Variants in PSMC3IP observed in about 807,000 individuals in gnomAD.
PSMC3IP encodes homologous-pairing protein 2 homolog.
A neutral mutation model predicts 34.9 loss-of-function variants in PSMC3IP; 26 were observed. The ratio of observed to expected loss-of-function variants is 0.74; its 90% CI spans 0.55 to 1.03. PSMC3IP has a LOEUF of 1.03. Ranked by LOEUF, PSMC3IP falls within the 50% of genes least tolerant of loss-of-function variation. The pLI, the probability that PSMC3IP is intolerant of heterozygous loss-of-function variation, is 0.00. For synonymous variants in PSMC3IP, 87 were observed against 96.5 expected (o/e 0.90, Z 0.57); for missense variants, 250 against 263.1 (o/e 0.95, Z 0.34).
chr17:42,576,879 TTGATA>T (rs1567915414), intron 3 of PSMC3IP: 1 of 373,256 alleles, frequency 2.7e-6, no homozygotes, highest in Admixed American at 3.8e-5. Flanking sequence ...GAATATAAAT[TTGATA>T]TGTGTGTTTA....
intron 1 of PSMC3IP, 26 bp from the exon 2 acceptor site, chr17:42,577,587 G>T: frequency 6.2e-7 from 1 of 1,614,148 alleles, no homozygotes; most frequent in Non-Finnish European, 8.5e-7. Context: ...CAGGGGAGGG[G>T]GCCACTCAAC....
At chr17:42,573,784 C>T (rs1394377625) in intron 4 of PSMC3IP, 161 bp from the exon 5 acceptor site, 3 of 1,505,644 alleles carry the variant, frequency 2.0e-6, no homozygotes, top group East Asian at 4.9e-5. Flanking sequence ...TTCTTTCCTC[C>T]TCCATCTACA....
intron 4 of PSMC3IP, 136 bp from the exon 5 acceptor site, chr17:42,573,759 T>G (rs201418887): frequency 1.9e-5 from 28 of 1,500,054 alleles, no homozygotes; most frequent in Non-Finnish European, 1.5e-5. Flanking sequence ...TACAGGATTA[T>G]TTATTCTTCT....
upstream of PSMC3IP, chr17:42,577,735 GGGCGACGGCTCCTTCC>G: frequency 6.2e-7 from 1 of 1,610,730 alleles, no homozygotes; most frequent in Non-Finnish European, 8.5e-7. Flanking sequence ...TAGTTGCTCG[GGGCGACGGCTCCTTCC>G]GGCGACGGGG....
intron 4 of PSMC3IP, 166 bp from the exon 5 acceptor site, chr17:42,573,789 T>C: frequency 6.6e-7 from 1 of 1,512,728 alleles, no homozygotes; most frequent in East Asian, 2.4e-5. Flanking sequence ...TCCTCCTCCA[T>C]CTACAAGTGG....
chr17:42,573,797 T>C, intron 4 of PSMC3IP, 174 bp from the exon 5 acceptor site: 1 of 1,517,162 alleles, frequency 6.6e-7, no homozygotes, highest in Non-Finnish European at 8.8e-7. Flanking sequence ...CATCTACAAG[T>C]GGCGTGGGTG....
At chr17:42,573,751 C>T in intron 4 of PSMC3IP, 128 bp from the exon 5 acceptor site, 1 of 1,510,558 alleles carries the variant, frequency 6.6e-7, no homozygotes, top group Non-Finnish European at 8.9e-7. Context: ...CTAAGCCATA[C>T]AGGATTATTT....
chr17:42,573,978 C>G lies in PSMC3IP; in HGVS notation c.337+121G>C, dbSNP rs753054292. 4.0e-5 allele frequency: 62 copies of G among 1,546,418 alleles called. No homozygotes were observed. The South Asian group carries it at 6.8e-4, about 17-fold the overall frequency. ...CATTTCTTTTTATGCCTAAGGGAGC[C>G]CAGCAAAGGGGTCTTAGCTGCAACA... On this transcript the variant is annotated intron_variant, in intron 4 of 7. Coordinates refer to ENST00000393795, the MANE Select transcript of PSMC3IP (RefSeq NM_016556.4).
At chr17:42,573,273 C>T (rs780837774) in intron 6 of PSMC3IP, 38 bp downstream of exon 6, 6 of 1,613,902 alleles carry the variant, frequency 3.7e-6, no homozygotes, top group Admixed American at 1.7e-5. Context: ...TTTTCAAAGG[C>T]ACCTCCAGGG....
chr17:42,576,497 G>C, intron 3 of PSMC3IP, among the ~76,000 whole-genome samples: 1 of 152,034 alleles, frequency 6.6e-6, no homozygotes, highest in Non-Finnish European at 1.5e-5. Flanking sequence ...AAAGGAGAGT[G>C]GATTCAAGAA....
chr17:42,577,655 C>T lies in PSMC3IP; in HGVS notation c.32G>A (p.Gly11Glu). MSKGRAEAAA[G>E]AAGILLRYLQ... is the part of the protein sequence containing the mutation. ...CCCCGCGCCCACGGCGCCGTTACCT[C>T]CCGCCGCAGCTTCTGCCCGGCCTTT... Residue 11 changes from glycine (G) to glutamate (E), a missense_variant and splice_region_variant, in exon 1 of 8, where the codon GGA becomes GAA. Coordinates refer to ENST00000393795, the MANE Select transcript of PSMC3IP (RefSeq NM_016556.4). 6.2e-7 allele frequency: 1 copy of T among 1,614,182 alleles called. No homozygotes were observed. Among genetic ancestry groups the T allele is most frequent in the Non-Finnish European group, 8.5e-7 (1 of 1,180,024 alleles).
In PSMC3IP at chr17:42,573,576, C is replaced by G. The variant is rs376009222; in HGVS notation, c.385G>C (p.Glu129Gln). ...SALTTPEMQK[E>Q]IQELKKECAG... is the part of the protein sequence containing the mutation. ...CATTCCTTCTTTAACTCCTGGATTT[C>G]TTTCTGCATCTCTGGTGTGGTCAGG... The change falls in exon 5 of 8, where the codon GAA (glutamate) becomes CAA (glutamine). Residue 129 changes from glutamate to glutamine, a missense_variant. Coordinates refer to ENST00000393795, the MANE Select transcript of PSMC3IP (RefSeq NM_016556.4). The G allele has an allele frequency of 2.2e-5, 35 of 1,614,074 alleles. No homozygotes were observed. The highest frequency in any genetic ancestry group is 1.8e-5 in the Non-Finnish European group (21 of 1,180,028).
chr17:42,573,907 C>G (rs1394127852), intron 4 of PSMC3IP, 192 bp downstream of exon 4: 1 of 1,531,662 alleles, frequency 6.5e-7, no homozygotes, highest in Admixed American at 2.0e-5. Flanking sequence ...AGAACAAATG[C>G]GTATCTTGTC....
chr17:42,573,155 C>G lies in PSMC3IP; in HGVS notation c.549G>C (p.Leu183=). Residue 183 remains leucine (L), a synonymous_variant, in exon 7 of 8, where the codon CTG becomes CTC. Transcript: ENST00000393795. ...GGTATCCTTCAAGTATTGCATCAGA[C>G]AGCTCTGTAGCCTGACAAGAAATAA... The part of the protein sequence containing the change: ...WRKRKRMATE[L]SDAILEGYPK... 1 of 1,614,236 alleles carries G rather than the reference C, an allele frequency of 6.2e-7. No homozygotes were observed. Among genetic ancestry groups the G allele is most frequent in the Non-Finnish European group, 8.5e-7 (1 of 1,180,044 alleles).
chr17:42,575,356 C>T (rs915065243), intron 3 of PSMC3IP, among the ~76,000 whole-genome samples: 2 of 152,230 alleles, frequency 1.3e-5, no homozygotes, highest in Non-Finnish European at 2.9e-5. Context: ...ACATAGTCTA[C>T]AGCTGCTTCT....
In PSMC3IP at chr17:42,572,896, CA is replaced by C. The variant is rs750282241; in HGVS notation, c.*71del. ...AACAACAACAAAAGCCAACCAAAAA[CA>C]AGGTAGCCAGTGCAAGACATCTCAC... On this transcript the variant is annotated 3_prime_UTR_variant, in exon 8 of 8. Coordinates refer to ENST00000393795, the MANE Select transcript of PSMC3IP (RefSeq NM_016556.4). 1.9e-6 allele frequency: 3 copies of C among 1,562,186 alleles called. No homozygotes were observed. The East Asian group carries it at 6.7e-5, about 35-fold the overall frequency.
At chr17:42,574,377 G>A (rs1212608523) in intron 3 of PSMC3IP, 167 bp from the exon 4 acceptor site, 8 of 1,448,952 alleles carry the variant, frequency 5.5e-6, no homozygotes, top group Non-Finnish European at 7.3e-6. Context: ...ATTGTTTTCA[G>A]TTAAGGAGCG....
chr17:42,573,847 GC>G, intron 4 of PSMC3IP: 1 of 1,531,766 alleles, frequency 6.5e-7, no homozygotes. Flanking sequence ...AGTTAAAGAA[GC>G]AGGAATAAAG....
intron 2 of PSMC3IP, 66 bp downstream of exon 2, chr17:42,577,395 A>G: frequency 6.2e-7 from 1 of 1,609,578 alleles, no homozygotes; most frequent in Non-Finnish European, 8.5e-7. Flanking sequence ...AAGGCTCCAA[A>G]GGGCACGACC....
Sources: gnomAD v4.1 joint callset for allele counts (sites outside exome capture counted in the v4.1 genomes callset) on GRCh38, gnomAD v4.1.1 for gene constraint, MANE v1.5 for transcripts, NCBI Gene and HGNC (gene_info 2026-07-23, HGNC 2026-07-21) for gene names.